Variants in UTP6 observed in about 807,000 individuals in gnomAD.
UTP6 encodes UTP6 small subunit processome component.
UTP6 carries 60 observed loss-of-function variants against 96.5 expected under a neutral mutation model. That is an observed-to-expected ratio of 0.62 (90% CI 0.51 to 0.77). UTP6 has a LOEUF of 0.77. UTP6 is among the 30% of genes least tolerant of loss of function. The pLI is 0.00. For missense variants in UTP6, 637 were observed against 706.5 expected, an observed-to-expected ratio of 0.90 and a Z score of 1.12; for synonymous variants, 215 against 240.1, an observed-to-expected ratio of 0.90 and a Z score of 0.96.
chr17:31,871,906 TA>T (rs1261007464), intron 16 of UTP6, among the ~76,000 whole-genome samples: 1 of 138,998 alleles, frequency 7.2e-6, no homozygotes, highest in Non-Finnish European at 1.6e-5. Context: ...AAAAAAAAAA[TA>T]TTTAGGCCGG....
intron 3 of UTP6, 96 bp from the exon 4 acceptor site, chr17:31,894,833 C>CAA: frequency 7.8e-7 from 1 of 1,284,368 alleles, no homozygotes; most frequent in Non-Finnish European, 1.1e-6. Context: ...ATGAAGCAAA[C>CAA]AAATAATTAC....
chr17:31,868,913 C>T (rs919060157), intron 16 of UTP6, among the ~76,000 whole-genome samples: 4 of 152,086 alleles, frequency 2.6e-5, no homozygotes, highest in African/African-American at 9.7e-5. Flanking sequence ...CAGTTCAAGA[C>T]CAGCCTGACC....
chr17:31,888,728 C>T (rs1911293715), intron 7 of UTP6, among the ~76,000 whole-genome samples: 2 of 151,926 alleles, frequency 1.3e-5, no homozygotes, highest in African/African-American at 4.8e-5. Flanking sequence ...CTTACCCACA[C>T]CTCCACACTT....
At chr17:31,890,953 C>T (rs565357584) in intron 6 of UTP6, among the ~76,000 whole-genome samples, 1 of 152,230 alleles carries the variant, frequency 6.6e-6, no homozygotes, top group African/African-American at 2.4e-5. Context: ...CACCACTGCA[C>T]TCCAGCCTGG....
chr17:31,871,148 C>A (rs1910149461), intron 16 of UTP6, among the ~76,000 whole-genome samples: 1 of 151,964 alleles, frequency 6.6e-6, no homozygotes, highest in Non-Finnish European at 1.5e-5. Context: ...TGCCACCACG[C>A]CCGGCTAATT....
intron 17 of UTP6, among the ~76,000 whole-genome samples, chr17:31,867,401 G>A (rs761292662): frequency 4.0e-5 from 6 of 151,754 alleles, no homozygotes; most frequent in Non-Finnish European, 5.9e-5. Context: ...CCAGCTACTC[G>A]GGAGGGTGTG....
intron 4 of UTP6, among the ~76,000 whole-genome samples, chr17:31,893,042 G>T (rs755115837): frequency 6.6e-6 from 1 of 152,018 alleles, no homozygotes; most frequent in Non-Finnish European, 1.5e-5. Context: ...AGGCCAAGGC[G>T]GATTGATCAC....
rs771809602 is a variant in UTP6 at position 31,892,748 on chromosome 17, C to G, written c.359G>C (p.Trp120Ser). 1 of 1,614,072 alleles carries G rather than the reference C, an allele frequency of 6.2e-7. No homozygotes were observed. The highest frequency in any genetic ancestry group is 8.5e-7 in the Non-Finnish European group (1 of 1,180,006). Residue 120 changes from tryptophan (W) to serine (S), a missense_variant and splice_region_variant, in exon 5 of 19, where the codon TGG becomes TCG. Transcript: ENST00000261708. ...WLSYVAFCKK[W>S]ATKTRLSKVF... ...CAAGACATGCATGGCTTTACTCACC[C>G]ACTTCTTACAAAAAGCCACATAGGA...
intron 7 of UTP6, 147 bp downstream of exon 7, chr17:31,889,138 A>C (rs1353387223): frequency 1.9e-6 from 1 of 538,064 alleles, no homozygotes; most frequent in Non-Finnish European, 3.3e-6. Context: ...TACAAAAAAA[A>C]TAGCCAGGTA....
chr17:31,879,755 T>C (rs1910715109), intron 11 of UTP6, among the ~76,000 whole-genome samples: 1 of 151,934 alleles, frequency 6.6e-6, no homozygotes, highest in Non-Finnish European at 1.5e-5. Flanking sequence ...TAGATGAACA[T>C]AAATACCACT....
chr17:31,901,454 TCCCC>T, intron 1 of UTP6, 78 bp downstream of exon 1: 1 of 1,295,014 alleles, frequency 7.7e-7, no homozygotes, highest in Non-Finnish European at 1.1e-6. Context: ...AGGTCGAGCG[TCCCC>T]ACATCTAGCC....
chr17:31,870,484 GTTTT>G (rs1263923726), intron 16 of UTP6, among the ~76,000 whole-genome samples: 1 of 148,106 alleles, frequency 6.8e-6, no homozygotes, highest in Non-Finnish European at 1.5e-5. Context: ...TTTGTTTTGG[GTTTT>G]TTGTTTTTGT....
In UTP6 at chr17:31,887,312, T is replaced by C; in HGVS notation, c.545A>G (p.Tyr182Cys). 4 of 1,613,598 alleles carry C rather than the reference T, an allele frequency of 2.5e-6. No individual in the cohort carries two copies. The highest frequency in any genetic ancestry group is 3.4e-6 in the Non-Finnish European group (4 of 1,179,702). ...AGCATGCATCAGCTCCATCCTAAAG[T>C]ACTACAGAAGAGAAATAAACTGAAA... ...HPECPKLYKE[Y>C]FRMELMHAEK... The change falls in exon 8 of 19, where the codon TAC (tyrosine) becomes TGC (cysteine). Residue 182 changes from tyrosine (Y) to cysteine (C), a missense_variant and splice_region_variant. By Grantham distance (194) the Tyr-to-Cys change is radical (BLOSUM62 -2). Coordinates refer to ENST00000261708, the MANE Select transcript of UTP6 (RefSeq NM_018428.3).
In UTP6 at chr17:31,865,449, T is replaced by TA. The variant is rs1567774684; in HGVS notation, c.1564-12dup. ...CATATTGCAGGATTCCTGACAAAGA[T>TA]AGACAATCTTGTCTCAAAAGCCTGA... On this transcript the variant is annotated splice_polypyrimidine_tract_variant and intron_variant, in intron 17 of 18. Coordinates refer to ENST00000261708, the MANE Select transcript of UTP6 (RefSeq NM_018428.3). The TA allele has an allele frequency of 1.2e-6, 2 of 1,613,286 alleles. No individual in the cohort carries two copies. The highest frequency in any genetic ancestry group is 2.2e-5 in the East Asian group (1 of 44,856).
Position 31,897,915 on chromosome 17 carries a change from A to G in UTP6, c.177+1731T>C, listed in dbSNP as rs977437058. ...ACAAGATGAAAAAATCTTGCAGTAC[A>G]CCTCTTTCCAAGTGGACAGACAATA... On this transcript the variant is annotated intron_variant, in intron 2 of 18. Transcript: ENST00000261708. Among the ~76,000 whole-genome samples, 4 of 152,232 alleles carry G rather than the reference A, an allele frequency of 2.6e-5. No homozygotes were observed. The East Asian group carries it at 5.8e-4, about 22-fold the overall frequency.
chr17:31,867,498 ACT>A (rs1462461134), intron 17 of UTP6, among the ~76,000 whole-genome samples: 1 of 146,908 alleles, frequency 6.8e-6, no homozygotes, highest in African/African-American at 2.5e-5. Flanking sequence ...ACAGAGTAAG[ACT>A]CTATCTCAAA....
intron 16 of UTP6, among the ~76,000 whole-genome samples, chr17:31,870,995 T>G (rs1004396641): frequency 1.3e-5 from 2 of 149,032 alleles, no homozygotes; most frequent in Non-Finnish European, 3.0e-5. Context: ...AAGTTTTTTT[T>G]TTTTTTTTTT....
chr17:31,861,529 T>G lies in UTP6; in HGVS notation c.*1830A>C, dbSNP rs1909557796. The G allele has an allele frequency of 6.6e-6, 1 of 151,110 alleles. No individual in the cohort carries two copies. 9.4% of individuals were successfully genotyped at this position (151,110 alleles called of 1,614,324 possible). A position where few individuals can be genotyped will look rare whatever the true frequency, so the allele number is the denominator to read the frequency against. ...TACTCAAGAGGCTGAGGTGGGAGGA[T>G]CTCTTGAGCCCAGAAGTTAAGGCTG... is the stretch of plus-strand genomic sequence containing the variant. On this transcript the variant is annotated 3_prime_UTR_variant, in exon 19 of 19. Coordinates refer to ENST00000261708, the MANE Select transcript of UTP6 (RefSeq NM_018428.3).
intron 15 of UTP6, 29 bp downstream of exon 15, chr17:31,873,641 ACAC>A (rs754564940): frequency 5.6e-6 from 9 of 1,613,606 alleles, no homozygotes; most frequent in Non-Finnish European, 7.6e-6. Flanking sequence ...GCCATTCCCC[ACAC>A]CACAAGACTT....
Sources: gnomAD v4.1 joint callset for allele counts (sites outside exome capture counted in the v4.1 genomes callset) on GRCh38, gnomAD v4.1.1 for gene constraint, MANE v1.5 for transcripts, NCBI Gene and HGNC (gene_info 2026-07-23, HGNC 2026-07-21) for gene names.